Variants in TNFSF18 observed in about 807,000 individuals in gnomAD.
TNFSF18 encodes tumor necrosis factor ligand superfamily member 18.
Under a neutral mutation model 9.6 loss-of-function variants are expected in TNFSF18, and 6 were observed. The observed-to-expected ratio is 0.63, with a 90% CI of 0.34 to 1.24. The LOEUF (loss-of-function observed/expected upper bound fraction) is 1.24. Among genes scored for constraint, TNFSF18 ranks in the 50% most tolerant of loss-of-function variants. The pLI, the probability that TNFSF18 is intolerant of heterozygous loss-of-function variation, is 0.03. For missense variants in TNFSF18, 210 were observed against 201.0 expected (o/e 1.04, Z -0.27); for synonymous variants, 68 against 71.7 (o/e 0.95, Z 0.26).
In TNFSF18 at chr1:173,050,753, A is replaced by G; in HGVS notation, c.144T>C (p.Phe48=). ...ATTGCCTCCTTACCTCTAATTGGAGAAAAATAAAGATTAGCCAACTGAAGG... is the reference window on the plus strand; with the variant it reads ...ATTGCCTCCTTACCTCTAATTGGAGGAAAATAAAGATTAGCCAACTGAAGG... ...LCSFSWLIFI[F]LQLETAKEPC... Residue 48 remains phenylalanine, a synonymous_variant, in exon 1 of 3, where the codon TTT becomes TTC. Coordinates refer to ENST00000404377, the MANE Select transcript of TNFSF18 (RefSeq NM_005092.4). The G allele has an allele frequency of 1.9e-6, 3 of 1,605,444 alleles. No homozygotes were observed. Among genetic ancestry groups the G allele is most frequent in the Non-Finnish European group, 1.7e-6 (2 of 1,175,752 alleles).
At chr1:173,046,454 T>C (rs1665086400) in intron 1 of TNFSF18, among the ~76,000 whole-genome samples, 1 of 152,178 alleles carries the variant, frequency 6.6e-6, no homozygotes, top group Non-Finnish European at 1.5e-5. Flanking sequence ...TTTTCAGTCA[T>C]GATGGTCAAA....
chr1:173,045,226 A>G (rs929676926), intron 1 of TNFSF18, among the ~76,000 whole-genome samples: 1 of 152,128 alleles, frequency 6.6e-6, no homozygotes, highest in Non-Finnish European at 1.5e-5. Flanking sequence ...GTGGGTGTAG[A>G]TGGAGAGGAA....
intron 1 of TNFSF18, among the ~76,000 whole-genome samples, chr1:173,046,901 G>T (rs61595490): frequency 9.9e-5 from 15 of 150,862 alleles, no homozygotes; most frequent in African/African-American, 2.9e-4. Flanking sequence ...TGTTGTTGTT[G>T]TTGTTTTTTG....
chr1:173,042,720 G>A (rs1358986962), intron 2 of TNFSF18, among the ~76,000 whole-genome samples: 3 of 152,032 alleles, frequency 2.0e-5, no homozygotes, highest in African/African-American at 7.2e-5. Context: ...ACAGCCCCGG[G>A]AGGTGCTTTT....
chr1:173,041,450 T>C lies in TNFSF18; in HGVS notation c.451A>G (p.Ile151Val). The change falls in exon 3 of 3, where the codon ATA becomes GTA. Residue 151 changes from isoleucine (I) to valine (V), a missense_variant. Coordinates refer to ENST00000404377, the MANE Select transcript of TNFSF18 (RefSeq NM_005092.4). Reference sequence around the variant, plus strand: ...AGAACCTGATGCTCAGAGTTGAATATCAAGTCTATGGTGTCCCCAACATGC... The same window carrying C: ...AGAACCTGATGCTCAGAGTTGAATACCAAGTCTATGGTGTCCCCAACATGC... The part of the protein sequence containing the change: ...ELHVGDTIDL[I>V]FNSEHQVLKN... 1 of 1,613,548 alleles carries C rather than the reference T, an allele frequency of 6.2e-7. No homozygotes were observed.
intron 2 of TNFSF18, 108 bp downstream of exon 2, chr1:173,043,831 G>T (rs1230088167): frequency 5.4e-5 from 56 of 1,045,524 alleles, no homozygotes; most frequent in Non-Finnish European, 7.9e-5. Flanking sequence ...ATACATAGTA[G>T]CTCAGAAATG....
chr1:173,050,601 G>T, intron 1 of TNFSF18, 140 bp downstream of exon 1: 1 of 638,984 alleles, frequency 1.6e-6, no homozygotes. Context: ...GACAATATTA[G>T]AATTGTATTT....
intron 1 of TNFSF18, among the ~76,000 whole-genome samples, chr1:173,050,412 A>T (rs1279917325): frequency 6.6e-6 from 1 of 151,926 alleles, no homozygotes; most frequent in Non-Finnish European, 1.5e-5. Context: ...ATTCATTCAT[A>T]TTTTTACCTT....
chr1:173,045,637 TTGTTG>T (rs1469563587), intron 1 of TNFSF18, among the ~76,000 whole-genome samples: 22 of 88,048 alleles, frequency 2.5e-4, no homozygotes, highest in Middle Eastern at 8.2e-3. Flanking sequence ...AGGTTTTTTG[TTGTTG>T]TTGTTGTTGT....
rs1237979105 is a variant in TNFSF18 at position 173,040,549 on chromosome 1, G to C, written c.*818C>G. ...GTTTTACGAAAGCACTTTGCAAACT[G>C]TGGAAAGCTAGCTAAAAATACTAAA... On this transcript the variant is annotated 3_prime_UTR_variant, in exon 3 of 3. Transcript: ENST00000404377. 6.6e-6 allele frequency: 1 copy of C among 152,108 alleles called. No individual in the cohort carries two copies. The highest frequency in any genetic ancestry group is 2.4e-5 in the African/African-American group (1 of 41,420). The allele number at this position is 152,108 out of a possible 1,614,324, so 9.4% of individuals were successfully genotyped here.
At chr1:173,044,991 A>T (rs967861052) in intron 1 of TNFSF18, among the ~76,000 whole-genome samples, 1 of 152,198 alleles carries the variant, frequency 6.6e-6, no homozygotes, top group Non-Finnish European at 1.5e-5. Context: ...AATTGGAAAG[A>T]TAAAGTTGTT....
chr1:173,042,941 A>G (rs1450422061), intron 2 of TNFSF18, among the ~76,000 whole-genome samples: 2 of 152,166 alleles, frequency 1.3e-5, no homozygotes, highest in African/African-American at 4.8e-5. Context: ...AAAGCCACCC[A>G]GTATCGCCAA....
chr1:173,041,800 C>A, intron 2 of TNFSF18, 87 bp from the exon 3 acceptor site: 6 of 1,051,644 alleles, frequency 5.7e-6, no homozygotes, highest in Non-Finnish European at 6.3e-6. Flanking sequence ...AATTATTTAC[C>A]ACATACATGT....
chr1:173,041,307 C>G lies in TNFSF18; in HGVS notation c.*60G>C, dbSNP rs1010769766. 1.3e-5 allele frequency: 18 copies of G among 1,342,162 alleles called. No individual in the cohort carries two copies. In the South Asian group the frequency reaches 2.4e-4, roughly 18 times the overall value. The allele number at this position is 1,342,162 out of a possible 1,614,324, so 83.1% of individuals were successfully genotyped here. On this transcript the variant is annotated 3_prime_UTR_variant, in exon 3 of 3. Transcript: ENST00000404377. ...CTAGAAATTGAATATCTTCTCCCTCCAATCCACCCACTGGCACCTCTACAT... is the reference window on the plus strand; with the variant it reads ...CTAGAAATTGAATATCTTCTCCCTCGAATCCACCCACTGGCACCTCTACAT...
chr1:173,043,265 A>G (rs1406229056), intron 2 of TNFSF18, among the ~76,000 whole-genome samples: 1 of 152,186 alleles, frequency 6.6e-6, no homozygotes, highest in Non-Finnish European at 1.5e-5. Flanking sequence ...CAGGGGTTGC[A>G]GAGTTAACTC....
intron 1 of TNFSF18, among the ~76,000 whole-genome samples, chr1:173,046,956 T>C (rs962735796): frequency 6.6e-6 from 1 of 151,900 alleles, no homozygotes; most frequent in East Asian, 1.9e-4. Flanking sequence ...GCAGTGGTGT[T>C]ATCTCAGTTC....
rs1017788168 is a variant in TNFSF18, at chr1:173,039,634, C to T, written c.*1733G>A. ...ATTCCTGAAAATTTAATAATATGTG[C>T]TTATAAGCTAGCACCAGCCCACTCC... On this transcript the variant is annotated 3_prime_UTR_variant, in exon 3 of 3. Transcript: ENST00000404377. Among the ~76,000 whole-genome samples, 2 of 151,816 alleles carry T rather than the reference C, an allele frequency of 1.3e-5. No individual in the cohort carries two copies. The highest frequency in any genetic ancestry group is 2.4e-5 in the African/African-American group (1 of 41,318).
Position 173,041,281 on chromosome 1 carries a change from T to G in TNFSF18, c.*86A>C. On this transcript the variant is annotated 3_prime_UTR_variant, in exon 3 of 3. Transcript: ENST00000404377. ...TGTTGATTTTTGTAGACAGACAAACTCTAGAAATTGAATATCTTCTCCCTC... is the reference window on the plus strand; with the variant it reads ...TGTTGATTTTTGTAGACAGACAAACGCTAGAAATTGAATATCTTCTCCCTC... The G allele has an allele frequency of 8.9e-7, 1 of 1,124,092 alleles. No individual in the cohort carries two copies. Among genetic ancestry groups the G allele is most frequent in the Non-Finnish European group, 1.3e-6 (1 of 787,690 alleles). 69.6% of individuals were successfully genotyped at this position (1,124,092 alleles called of 1,614,324 possible).
In TNFSF18 at chr1:173,050,838, T is replaced by C. The variant is rs2101929473; in HGVS notation, c.59A>G (p.Gln20Arg). 1.9e-6 allele frequency: 3 copies of C among 1,613,784 alleles called. No homozygotes were observed. Among genetic ancestry groups the C allele is most frequent in the Middle Eastern group, 1.6e-4 (1 of 6,062 alleles). ...GAGCCACAGCTTCCAGGATGATCTC[T>C]GAGCTCCTTGAGTTCTTGAATGGCT... ...PLSHSRTQGA[Q>R]RSSWKLWLFC... Residue 20 changes from glutamine to arginine, a missense_variant, in exon 1 of 3, where the codon CAG becomes CGG. Physicochemically the swap from Gln to Arg is conservative, Grantham distance 43. Transcript: ENST00000404377.
Sources: gnomAD v4.1 joint callset for allele counts (sites outside exome capture counted in the v4.1 genomes callset) on GRCh38, gnomAD v4.1.1 for gene constraint, MANE v1.5 for transcripts, NCBI Gene and HGNC (gene_info 2026-07-23, HGNC 2026-07-21) for gene names.